WDR7: variants seen among roughly 807,000 people sequenced by gnomAD.
The protein encoded by WDR7 is WD repeat-containing protein 7.
Under a neutral mutation model 169.4 loss-of-function variants are expected in WDR7, and 46 were observed. The observed-to-expected ratio is 0.27, with a 90% CI of 0.21 to 0.35. WDR7 has a LOEUF of 0.35. Among genes scored for constraint, WDR7 ranks in the 10% least tolerant of loss-of-function variants. The pLI, the probability that WDR7 is intolerant of heterozygous loss-of-function variation, is 1.00. For missense variants in WDR7, 1,534 were observed against 1,859.3 expected, an observed-to-expected ratio of 0.83 and a Z score of 3.22; for synonymous variants, 612 against 666.8, an observed-to-expected ratio of 0.92 and a Z score of 1.27.
At chr18:56,718,820 A>T (rs930694427) in intron 13 of WDR7, among the ~76,000 whole-genome samples, 1 of 152,204 alleles carries the variant, frequency 6.6e-6, no homozygotes, top group African/African-American at 2.4e-5. Context: ...CAGTTATTAA[A>T]GTCTTTCTTT....
intron 19 of WDR7, among the ~76,000 whole-genome samples, chr18:56,786,674 A>C (rs1397902375): frequency 1.3e-5 from 2 of 151,894 alleles, no homozygotes; most frequent in Admixed American, 6.6e-5. Context: ...GAGTATGTAA[A>C]CTTTTGCTGC....
In WDR7 at chr18:56,710,003, G is replaced by GTTTTTTTTTTTT. The variant is rs74182155; in HGVS notation, c.1579-7959_1579-7958insTTTTTTTTTTTT. On this transcript the variant is annotated intron_variant, in intron 12 of 27. Transcript: ENST00000254442. The stretch of plus-strand genomic sequence containing the variant: ...GAACCACAATTTATATATATATATA[G>GTTTTTTTTTTTT]TTGTTTTTTTTTTTTTTTGTGATGG... Among the ~76,000 whole-genome samples the GTTTTTTTTTTTT allele has an allele frequency of 3.9e-5, 5 of 128,678 alleles. 2 individuals carry two copies. The highest frequency in any genetic ancestry group is 4.9e-5 in the Non-Finnish European group (3 of 61,824). The allele number at this position is 128,678 out of a possible 152,430, so 84.4% of individuals were successfully genotyped here.
chr18:56,840,914 G>A (rs1940322629), intron 20 of WDR7, among the ~76,000 whole-genome samples: 1 of 152,158 alleles, frequency 6.6e-6, no homozygotes, highest in Non-Finnish European at 1.5e-5. Flanking sequence ...AAAGGGCTGG[G>A]CATGATGGCT....
chr18:56,652,322 C>CTA (rs2144386326), intron 1 of WDR7, among the ~76,000 whole-genome samples: 1 of 152,270 alleles, frequency 6.6e-6, no homozygotes, highest in African/African-American at 2.4e-5. Flanking sequence ...TCAGTGGCAG[C>CTA]TATAGCTTCC....
At chr18:56,657,901 C>A (rs2024812356) in intron 1 of WDR7, among the ~76,000 whole-genome samples, 1 of 149,446 alleles carries the variant, frequency 6.7e-6, no homozygotes, top group South Asian at 2.1e-4. Context: ...TTTTTTCAAA[C>A]TATGTTGGTG....
At position 57,020,733 on chromosome 18, in the gene WDR7, A is replaced by C; in HGVS notation, c.4165-12A>C. The C allele has an allele frequency of 6.2e-7, 1 of 1,612,762 alleles. No homozygotes were observed. Among genetic ancestry groups the C allele is most frequent in the East Asian group, 2.2e-5 (1 of 44,844 alleles). ...AATGCTTATCATTCATGATATCTGA[A>C]TTTTATTTTAGACAATCCATGGACA... On this transcript the variant is annotated splice_polypyrimidine_tract_variant and intron_variant, in intron 26 of 27. Coordinates refer to ENST00000254442, the MANE Select transcript of WDR7 (RefSeq NM_015285.3).
At chr18:56,767,229 C>A (rs890829141) in intron 16 of WDR7, among the ~76,000 whole-genome samples, 1 of 152,220 alleles carries the variant, frequency 6.6e-6, no homozygotes, top group African/African-American at 2.4e-5. Flanking sequence ...TAGATATTTT[C>A]CCCCCAGCTC....
At position 56,944,288 on chromosome 18, in the gene WDR7, A is replaced by G. The variant is rs528873366; in HGVS notation, c.4064+4895A>G. Among the ~76,000 whole-genome samples, 41 of 152,196 alleles carry G rather than the reference A, an allele frequency of 2.7e-4. 1 individual carries two copies. The Middle Eastern group carries it at 0.01, about 38-fold the overall frequency. On this transcript the variant is annotated intron_variant, in intron 25 of 27. Transcript: ENST00000254442. ...ATTATAGGCGTGAGCCACTGCGCCC[A>G]GCCAGTCTTGTAGTTCTCATGTGCA...
rs141303033 is a variant in WDR7, at chr18:56,849,633, T to C, written c.3305-30311T>C. 1.4e-3 allele frequency among the ~76,000 whole-genome samples: 213 copies of C among 152,352 alleles called. 1 individual carries two copies. Among genetic ancestry groups the C allele is most frequent in the African/African-American group, 5.0e-3 (206 of 41,584 alleles). The stretch of plus-strand genomic sequence containing the variant: ...CTTTGATTTGTAGTCTCTGATGTTC[T>C]TGTGGCTGCTCTTGTCTTCCTATAG... On this transcript the variant is annotated intron_variant, in intron 20 of 27. Transcript: ENST00000254442.
At chr18:56,727,466 G>T (rs2026485128) in intron 13 of WDR7, among the ~76,000 whole-genome samples, 1 of 152,058 alleles carries the variant, frequency 6.6e-6, no homozygotes, top group African/African-American at 2.4e-5. Flanking sequence ...CCGCATGGTT[G>T]GGGAGGCCTC....
At chr18:56,924,255 T>A in intron 22 of WDR7, 147 bp downstream of exon 22, 1 of 943,466 alleles carries the variant, frequency 1.1e-6, no homozygotes, top group Non-Finnish European at 1.6e-6. Context: ...GTTTTGAATA[T>A]GGACAATGAA....
At chr18:56,850,596 A>G (rs1190889099) in intron 20 of WDR7, among the ~76,000 whole-genome samples, 1 of 152,042 alleles carries the variant, frequency 6.6e-6, no homozygotes, top group Non-Finnish European at 1.5e-5. Context: ...TGCAGCCTCA[A>G]CCTCCTGTGT....
intron 23 of WDR7, 39 bp from the exon 24 acceptor site, chr18:56,938,494 C>T (rs1252721746): frequency 6.3e-7 from 1 of 1,596,858 alleles, no homozygotes. Flanking sequence ...AAAACTATAT[C>T]AGTGTCAATC....
chr18:56,850,845 C>G (rs752466556), intron 20 of WDR7, among the ~76,000 whole-genome samples: 2 of 152,116 alleles, frequency 1.3e-5, no homozygotes, highest in African/African-American at 2.4e-5. Context: ...AACCAGCTTC[C>G]TTGACCTATG....
chr18:56,727,983 C>T (rs2026497618), intron 13 of WDR7, among the ~76,000 whole-genome samples: 2 of 152,232 alleles, frequency 1.3e-5, no homozygotes, highest in African/African-American at 4.8e-5. Flanking sequence ...TTCCTTAGTT[C>T]TTCCTTCACC....
rs757291120 is a variant in WDR7 at position 56,694,605 on chromosome 18, A to AT, written c.967-14_967-13insT. 1.9e-6 allele frequency: 3 copies of AT among 1,597,250 alleles called. No individual in the cohort carries two copies. Among genetic ancestry groups the AT allele is most frequent in the South Asian group, 1.1e-5 (1 of 88,626 alleles). ...AAAATACAGCTAAAGATATTCAAAT[A>AT]CTTTTTTTGGCAGTTGCTAATTTGT... On this transcript the variant is annotated splice_polypyrimidine_tract_variant and intron_variant, in intron 9 of 27. Coordinates refer to ENST00000254442, the MANE Select transcript of WDR7 (RefSeq NM_015285.3).
chr18:56,741,652 T>C (rs1050776308), intron 14 of WDR7, among the ~76,000 whole-genome samples: 5 of 152,202 alleles, frequency 3.3e-5, no homozygotes, highest in Admixed American at 3.3e-4. Flanking sequence ...ATGGATACTT[T>C]GAAAATTTCC....
chr18:56,919,968 G>A (rs956805011), intron 21 of WDR7, among the ~76,000 whole-genome samples: 15 of 152,130 alleles, frequency 9.9e-5, no homozygotes, highest in Middle Eastern at 3.4e-3. Flanking sequence ...AAATTCCTTA[G>A]CGTGGCATAT....
rs1247158608 is a variant in WDR7, at chr18:56,781,564, C to T, written c.3098C>T (p.Ala1033Val). ...GAAGCCGCGCAGGCCCTGCTTCTGG[C>T]GGAACTGAGAAGAATTGAGCAGGCA... is the stretch of plus-strand genomic sequence containing the variant. ...VREAAQALLL[A>V]ELRRIEQAGR... The change falls in exon 19 of 28, where the codon GCG becomes GTG. Residue 1033 changes from alanine (A) to valine (V), a missense_variant. Transcript: ENST00000254442. 6 of 1,610,668 alleles carry T rather than the reference C, an allele frequency of 3.7e-6. No individual in the cohort carries two copies. Among genetic ancestry groups the T allele is most frequent in the East Asian group, 2.2e-5 (1 of 44,562 alleles).
Sources: gnomAD v4.1 joint callset for allele counts (sites outside exome capture counted in the v4.1 genomes callset) on GRCh38, gnomAD v4.1.1 for gene constraint, MANE v1.5 for transcripts, NCBI Gene and HGNC (gene_info 2026-07-23, HGNC 2026-07-21) for gene names.